REV3L: variants seen among roughly 807,000 people sequenced by gnomAD.
REV3L encodes DNA polymerase zeta catalytic subunit.
Under a neutral mutation model 299.4 loss-of-function variants are expected in REV3L, and 69 were observed. The ratio of observed to expected loss-of-function variants is 0.23; its 90% CI spans 0.19 to 0.28. REV3L has a LOEUF of 0.28. Ranked by LOEUF, REV3L falls within the 10% of genes least tolerant of loss-of-function variation. The probability of loss-of-function intolerance (pLI) is 1.00; values close to 1 mark genes in which losing one functional copy is unlikely to be tolerated. For missense variants in REV3L, 3,128 were observed against 3,693.8 expected (o/e 0.85, Z 3.97); for synonymous variants, 1,238 against 1,271.4 (o/e 0.97, Z 0.56).
intron 4 of REV3L, among the ~76,000 whole-genome samples, chr6:111,394,536 A>G (rs916562093): frequency 3.3e-5 from 5 of 151,964 alleles, no homozygotes; most frequent in African/African-American, 9.7e-5. Context: ...TAGTTTGCAA[A>G]TATTTTCTCT....
At chr6:111,300,782 C>T (rs547401438) in intron 31 of REV3L, among the ~76,000 whole-genome samples, 3 of 152,210 alleles carry the variant, frequency 2.0e-5, no homozygotes, top group East Asian at 1.9e-4. Context: ...CCGTCATCTC[C>T]GTAAGCTGAG....
In REV3L at chr6:111,373,914, A is replaced by G; in HGVS notation, c.4441T>C (p.Leu1481=). The G allele has an allele frequency of 6.2e-7, 1 of 1,614,092 alleles. No homozygotes were observed. The highest frequency in any genetic ancestry group is 1.1e-5 in the South Asian group (1 of 91,062). ...AWEQKQRGFI[L]DMSNFKPERV... is the part of the protein sequence containing the mutation. Reference sequence around the variant, plus strand: ...TCAGGTTTAAAATTTGACATATCTAAAATAAAGCCCCTTTGCTTTTGCTCC... The same window carrying G: ...TCAGGTTTAAAATTTGACATATCTAGAATAAAGCCCCTTTGCTTTTGCTCC... Residue 1481 remains leucine (L), a synonymous_variant, in exon 13 of 32, where the codon TTA becomes CTA. Transcript: ENST00000368802.
intron 24 of REV3L, 63 bp from the exon 25 acceptor site, chr6:111,329,801 G>C: frequency 7.7e-7 from 1 of 1,293,942 alleles, no homozygotes; most frequent in East Asian, 2.5e-5. Context: ...TAATTAAGAA[G>C]GAAGCATAAA....
chr6:111,338,462 AT>A (rs961276104), intron 21 of REV3L, among the ~76,000 whole-genome samples: 1 of 149,164 alleles, frequency 6.7e-6, no homozygotes, highest in African/African-American at 2.5e-5. Flanking sequence ...ATATTTCAGG[AT>A]TTTTTTCCTT....
intron 9 of REV3L, among the ~76,000 whole-genome samples, chr6:111,384,339 A>C (rs567754532): frequency 6.6e-6 from 1 of 152,314 alleles, no homozygotes; most frequent in Admixed American, 6.5e-5. Context: ...AATGGGAGGA[A>C]ATATCTGCAA....
rs576880669 is a variant in REV3L, at chr6:111,385,797, A to G, written c.1096+1968T>C. Among the ~76,000 whole-genome samples, 12 of 152,300 alleles carry G rather than the reference A, an allele frequency of 7.9e-5. No individual in the cohort carries two copies. The South Asian group carries it at 1.7e-3, about 21-fold the overall frequency. ...AAAAAGACAAATGACTCAATAGAAA[A>G]TAAGCACAAAATGTAATTCACAAAC... On this transcript the variant is annotated intron_variant, in intron 9 of 31. Coordinates refer to ENST00000368802, the MANE Select transcript of REV3L (RefSeq NM_001372078.1).
chr6:111,307,405 GGT>G lies in REV3L; in HGVS notation c.9206_9207del (p.Asn3069ThrfsTer25). 6.2e-7 allele frequency: 1 copy of G among 1,614,104 alleles called. No homozygotes were observed. Among genetic ancestry groups the G allele is most frequent in the Non-Finnish European group, 8.5e-7 (1 of 1,180,014 alleles). ...SQPQHVAVIL[N>X]QEIRELERQQ... ...TGACGTTCCAACTCCCGGATTTCTT[GGT>G]TGAGGATGACTGCAACATGCTGAGG... On this transcript the variant is annotated frameshift_variant, in exon 31 of 32. Coordinates refer to ENST00000368802, the MANE Select transcript of REV3L (RefSeq NM_001372078.1). LOFTEE classifies it high-confidence loss of function.
chr6:111,448,786 A>ATT lies in REV3L; in HGVS notation c.140-32316_140-32315dup, dbSNP rs367755463. ...CAGGAGCACACCACCACACTTGGCTATTTTTTTTTTTTTTTTCAATTTTTA... is the reference window on the plus strand; with the variant it reads ...CAGGAGCACACCACCACACTTGGCTATTTTTTTTTTTTTTTTTTCAATTTTTA... On this transcript the variant is annotated intron_variant, in intron 1 of 31. Coordinates refer to ENST00000368802, the MANE Select transcript of REV3L (RefSeq NM_001372078.1). Among the ~76,000 whole-genome samples the ATT allele has an allele frequency of 2.0e-3, 267 of 133,452 alleles. 1 individual carries two copies. Among genetic ancestry groups the ATT allele is most frequent in the East Asian group, 0.01 (47 of 4,550 alleles). The allele number at this position is 133,452 out of a possible 152,430, so 87.5% of individuals were successfully genotyped here.
chr6:111,482,794 A>G lies in REV3L; in HGVS notation c.95T>C (p.Val32Ala), dbSNP rs1793924166. The change falls in exon 1 of 32, where the codon GTC (valine) becomes GCC (alanine). Residue 32 changes from valine to alanine, a missense_variant. Coordinates refer to ENST00000368802, the MANE Select transcript of REV3L (RefSeq NM_001372078.1). ...GACTCGCACCACCGGCACCTTCTTGACAGGGGCCTGGGTGAGGGGGGATTG... is the reference window on the plus strand; with the variant it reads ...GACTCGCACCACCGGCACCTTCTTGGCAGGGGCCTGGGTGAGGGGGGATTG... ...TCQSPLTQAPVKKVPVVRVFG... is the reference protein window; with the variant it reads ...TCQSPLTQAPAKKVPVVRVFG... 1.3e-6 allele frequency: 2 copies of G among 1,492,890 alleles called. No homozygotes were observed. The highest frequency in any genetic ancestry group is 1.3e-5 in the South Asian group (1 of 74,426). The allele number at this position is 1,492,890 out of a possible 1,614,324, so 92.5% of individuals were successfully genotyped here.
intron 1 of REV3L, among the ~76,000 whole-genome samples, chr6:111,437,511 T>C (rs927376603): frequency 6.6e-6 from 1 of 151,408 alleles, no homozygotes; most frequent in African/African-American, 2.4e-5. Context: ...ATTTTTAGTA[T>C]ACAATTTTTA....
At chr6:111,316,542 T>C (rs1773542520) in intron 26 of REV3L, among the ~76,000 whole-genome samples, 1 of 151,900 alleles carries the variant, frequency 6.6e-6, no homozygotes, top group African/African-American at 2.4e-5. Flanking sequence ...GGCGTGTGCC[T>C]GTAGTCCCAG....
At chr6:111,332,526 T>C (rs1775503253) in intron 23 of REV3L, among the ~76,000 whole-genome samples, 2 of 152,176 alleles carry the variant, frequency 1.3e-5, no homozygotes. Context: ...ACCAATATAA[T>C]TTCCACAGAT....
intron 31 of REV3L, among the ~76,000 whole-genome samples, chr6:111,302,916 G>A (rs916083080): frequency 6.6e-6 from 1 of 152,062 alleles, no homozygotes; most frequent in Non-Finnish European, 1.5e-5. Context: ...AAATTTTTCA[G>A]TCAGATGCTT....
intron 18 of REV3L, 188 bp downstream of exon 18, chr6:111,356,826 T>C (rs17539833): frequency 1.8e-4 from 58 of 321,122 alleles, no homozygotes; most frequent in Non-Finnish European, 1.8e-4. Context: ...TCCTATCCCT[T>C]GTCTGATGAA....
intron 1 of REV3L, among the ~76,000 whole-genome samples, chr6:111,478,367 C>G (rs1793193361): frequency 6.6e-6 from 1 of 152,118 alleles, no homozygotes; most frequent in Non-Finnish European, 1.5e-5. Flanking sequence ...AAACAACTTG[C>G]TACTCAGGGC....
At chr6:111,350,628 G>A (rs1455805664) in intron 19 of REV3L, among the ~76,000 whole-genome samples, 2 of 152,074 alleles carry the variant, frequency 1.3e-5, no homozygotes, top group African/African-American at 4.8e-5. Flanking sequence ...CCAAGCTTGG[G>A]TGCAGTGGTG....
chr6:111,480,729 G>A (rs936308057), intron 1 of REV3L, among the ~76,000 whole-genome samples: 1 of 150,210 alleles, frequency 6.7e-6, no homozygotes, highest in African/African-American at 2.4e-5. Context: ...GTCTTTCAAT[G>A]TACATATAAA....
At chr6:111,369,845 A>AT (rs969187725) in intron 13 of REV3L, among the ~76,000 whole-genome samples, 130 of 145,754 alleles carry the variant, frequency 8.9e-4, no homozygotes, top group Admixed American at 1.2e-3. Context: ...ATACAGTTTC[A>AT]TTTTTTTTTT....
chr6:111,378,906 C>T (rs141921914), intron 11 of REV3L, among the ~76,000 whole-genome samples: 1 of 152,284 alleles, frequency 6.6e-6, no homozygotes, highest in East Asian at 1.9e-4. Flanking sequence ...CTCTTCTTTC[C>T]CTTTCCTTTT....
Sources: gnomAD v4.1 joint callset for allele counts (sites outside exome capture counted in the v4.1 genomes callset) on GRCh38, gnomAD v4.1.1 for gene constraint, MANE v1.5 for transcripts, NCBI Gene and HGNC (gene_info 2026-07-23, HGNC 2026-07-21) for gene names.